HYCC2: variants seen among roughly 807,000 people sequenced by gnomAD.
HYCC2 encodes hyccin 2.
At chr2:201,057,599 G>A in the HYCC2 span, among the ~76,000 whole-genome samples, 13 of 152,132 alleles carry the variant, frequency 8.5e-5, no homozygotes, top group African/African-American at 3.1e-4. Flanking sequence ...TGAGGTTAGA[G>A]CAGGCTCCAA....
the HYCC2 span, among the ~76,000 whole-genome samples, chr2:201,064,840 G>A: frequency 1.3e-5 from 2 of 152,038 alleles, no homozygotes; most frequent in African/African-American, 4.8e-5. Context: ...TAGACTCACA[G>A]GAAGTTGCAA....
At chr2:200,982,704 G>A in the HYCC2 span, among the ~76,000 whole-genome samples, 3 of 152,044 alleles carry the variant, frequency 2.0e-5, no homozygotes, top group African/African-American at 4.8e-5. Context: ...CACAAAATAC[G>A]ATAGTGTCCC....
chr2:201,000,399 G>T, the HYCC2 span, among the ~76,000 whole-genome samples: 261 of 152,078 alleles, frequency 1.7e-3, no homozygotes, highest in African/African-American at 6.0e-3. Context: ...AAGAAAAAAA[G>T]AAAAATATGC....
the HYCC2 span, among the ~76,000 whole-genome samples, chr2:200,987,894 G>A: frequency 1.3e-5 from 2 of 152,122 alleles, no homozygotes; most frequent in African/African-American, 4.8e-5. Context: ...TGAATAGCTT[G>A]CATTATACTG....
the HYCC2 span, among the ~76,000 whole-genome samples, chr2:200,986,968 T>C: frequency 6.6e-6 from 1 of 152,224 alleles, no homozygotes; most frequent in Non-Finnish European, 1.5e-5. Context: ...TAAATTATTG[T>C]ATAAATAAAA....
the HYCC2 span, among the ~76,000 whole-genome samples, chr2:201,037,800 C>T: frequency 2.0e-5 from 3 of 152,034 alleles, no homozygotes; most frequent in African/African-American, 7.2e-5. Flanking sequence ...TAGAAGAAAA[C>T]CTAGGCAATA....
the HYCC2 span, among the ~76,000 whole-genome samples, chr2:201,033,145 TTGTATGTGTGTGTATGTG>T: frequency 1.5e-5 from 2 of 135,360 alleles, no homozygotes; most frequent in Admixed American, 7.3e-5. Context: ...AAAAAGCTAT[TTGTATGTGTGTGTATGTG>T]TGTGTGTGTG....
chr2:201,035,857 C>T, the HYCC2 span, among the ~76,000 whole-genome samples: 23 of 151,956 alleles, frequency 1.5e-4, no homozygotes, highest in Non-Finnish European at 2.1e-4. Flanking sequence ...TGGAGTTTGC[C>T]GGAGGTCCAC....
the HYCC2 span, among the ~76,000 whole-genome samples, chr2:201,037,309 A>G: frequency 6.6e-6 from 1 of 152,242 alleles, no homozygotes; most frequent in Non-Finnish European, 1.5e-5. Context: ...GAAAATGGCC[A>G]TACTGCCCAA....
At chr2:201,048,401 G>T in the HYCC2 span, among the ~76,000 whole-genome samples, 1 of 151,638 alleles carries the variant, frequency 6.6e-6, no homozygotes, top group African/African-American at 2.4e-5. Context: ...TATAGACCAA[G>T]CTTGTCCAAC....
chr2:201,044,373 TGTACCAGAGATG>T, the HYCC2 span, among the ~76,000 whole-genome samples: 4 of 152,338 alleles, frequency 2.6e-5, no homozygotes, highest in Non-Finnish European at 5.9e-5. Flanking sequence ...TGTGCACCAC[TGTACCAGAGATG>T]GTAATGGCAA....
At chr2:201,000,077 A>G in the HYCC2 span, among the ~76,000 whole-genome samples, 37 of 146,426 alleles carry the variant, frequency 2.5e-4, no homozygotes, top group South Asian at 8.7e-4. Context: ...AAAAAAAAAA[A>G]AAAGAAATAG....
the HYCC2 span, among the ~76,000 whole-genome samples, chr2:201,026,495 A>C: frequency 2.0e-5 from 3 of 152,204 alleles, no homozygotes; most frequent in East Asian, 5.8e-4. Context: ...CTCCACCCCA[A>C]ATCAACAGAA....
chr2:201,037,184 C>G, the HYCC2 span, among the ~76,000 whole-genome samples: 3 of 152,114 alleles, frequency 2.0e-5, no homozygotes, highest in African/African-American at 7.2e-5. Flanking sequence ...ATCCAACTTA[C>G]AAGACATGTG....
At chr2:201,064,121 T>C in the HYCC2 span, 5 of 1,279,522 alleles carry the variant, frequency 3.9e-6, 1 homozygote, top group South Asian at 6.0e-5. Flanking sequence ...TACAACAGAT[T>C]TGTGAACTCA....
the HYCC2 span, chr2:201,023,833 C>T: frequency 6.0e-6 from 4 of 664,004 alleles, no homozygotes; most frequent in Non-Finnish European, 1.0e-5. Flanking sequence ...TTTGCCATTT[C>T]CACTTCCTAC....
At chr2:201,003,688 G>A in the HYCC2 span, among the ~76,000 whole-genome samples, 27 of 147,960 alleles carry the variant, frequency 1.8e-4, no homozygotes, top group African/African-American at 5.2e-4. Context: ...CAGCCTGGGC[G>A]ACAGAGCGAG....
chr2:201,009,077 A>G, the HYCC2 span: 3 of 1,610,608 alleles, frequency 1.9e-6, no homozygotes, highest in Non-Finnish European at 2.5e-6. Context: ...CCATGGATCC[A>G]ATTGTTGAAG....
At chr2:201,022,497 A>T in the HYCC2 span, 1 of 229,750 alleles carries the variant, frequency 4.4e-6, no homozygotes, top group Non-Finnish European at 8.7e-6. Context: ...ATAAAGCTGG[A>T]TCAGTATACA....
Sources: allele counts gnomAD v4.1 joint callset (sites outside exome capture counted in the v4.1 genomes callset), GRCh38; gene constraint gnomAD v4.1.1; transcripts MANE v1.5; gene names NCBI Gene and HGNC (gene_info 2026-07-23, HGNC 2026-07-21).